JPH2: variants seen among roughly 807,000 people sequenced by gnomAD.
The protein encoded by JPH2 is junctophilin 2.
In JPH2, 38 loss-of-function variants were observed where a neutral mutation model predicts 55.9. That is an observed-to-expected ratio of 0.68 (90% confidence interval 0.52 to 0.89). The LOEUF is 0.89. Ranked by LOEUF, JPH2 falls within the 40% of genes least tolerant of loss-of-function variation. The pLI is 0.00. For missense variants in JPH2, 964 were observed against 1,037.6 expected, an observed-to-expected ratio of 0.93 and a Z score of 0.97; for synonymous variants, 480 against 472.4, an observed-to-expected ratio of 1.02 and a Z score of -0.21.
At position 44,159,495 on chromosome 20, in the gene JPH2, T is replaced by C. The variant is rs55825903; in HGVS notation, c.1169+123A>G. The C allele has an allele frequency of 0.13, 132,467 of 1,021,160 alleles. 9,219 individuals carry two copies. The highest frequency in any genetic ancestry group is 0.14 in the Non-Finnish European group (95,232 of 691,492). The allele number at this position is 1,021,160 out of a possible 1,614,324, so 63.3% of individuals were successfully genotyped here. A position where few individuals can be genotyped will look rare whatever the true frequency, so the allele number is the denominator to read the frequency against. Reference sequence around the variant, plus strand: ...TCCCGAAGAGCCTCCAATTAACCCCTGAAGGTGATGGGGGTAAAAGAAGCA... The same window carrying C: ...TCCCGAAGAGCCTCCAATTAACCCCCGAAGGTGATGGGGGTAAAAGAAGCA... On this transcript the variant is annotated intron_variant, in intron 2 of 5. Coordinates refer to ENST00000372980, the MANE Select transcript of JPH2 (RefSeq NM_020433.5). The surrounding 1 kb of genome is among the most constrained non-coding windows in gnomAD (Gnocchi z 5.7).
Position 44,134,882 on chromosome 20 carries a change from A to G in JPH2, c.1170-16259T>C, listed in dbSNP as rs77341191. 3.7e-3 allele frequency among the ~76,000 whole-genome samples: 179 copies of G among 47,890 alleles called. 1 individual carries two copies. The highest frequency in any genetic ancestry group is 6.3e-3 in the Non-Finnish European group (165 of 26,266). The allele number at this position is 47,890 out of a possible 152,430, so 31.4% of individuals were successfully genotyped here. On this transcript the variant is annotated intron_variant, in intron 2 of 5. Coordinates refer to ENST00000372980, the MANE Select transcript of JPH2 (RefSeq NM_020433.5). ...TATATATAAATATATATATTTATAT[A>G]TATATTAATATATATTTATATATAT...
At chr20:44,133,461 G>A (rs1396673023) in intron 2 of JPH2, among the ~76,000 whole-genome samples, 1 of 152,026 alleles carries the variant, frequency 6.6e-6, no homozygotes, top group Non-Finnish European at 1.5e-5. Context: ...GGCCTCCTTT[G>A]GGGGCAGCCA....
Position 44,116,145 on chromosome 20 carries a change from G to A in JPH2, c.1530C>T (p.Gly510=), listed in dbSNP as rs1288528601. ...GVSKDGLLSP[G]AWNGEPSGEG... ...CACCGCTGGGCTCGCCGTTCCAGGC[G>A]CCTGGGCTCAGCAGGCCGTCCTTGG... The change falls in exon 4 of 6, where the codon GGC becomes GGT. Residue 510 remains glycine (G), a synonymous_variant. Coordinates refer to ENST00000372980, the MANE Select transcript of JPH2 (RefSeq NM_020433.5). 3 of 1,434,204 alleles carry A rather than the reference G, an allele frequency of 2.1e-6. No individual in the cohort carries two copies. Among genetic ancestry groups the A allele is most frequent in the East Asian group, 5.6e-5 (2 of 35,792 alleles). 88.8% of individuals were successfully genotyped at this position (1,434,204 alleles called of 1,614,324 possible).
intron 2 of JPH2, among the ~76,000 whole-genome samples, chr20:44,145,333 G>C (rs538178041): frequency 2.0e-5 from 3 of 152,138 alleles, no homozygotes; most frequent in African/African-American, 7.2e-5. Flanking sequence ...GACCAGGCGC[G>C]GTGGCCCATG....
At chr20:44,130,541 G>A (rs895357861) in intron 2 of JPH2, among the ~76,000 whole-genome samples, 4 of 152,190 alleles carry the variant, frequency 2.6e-5, no homozygotes, top group South Asian at 2.1e-4. Context: ...AGGGAACCTC[G>A]GGCCTTGCTC....
At position 44,134,524 on chromosome 20, in the gene JPH2, AAATATATATAAATAAATATATATTTAT is replaced by A. The variant is rs1157160010; in HGVS notation, c.1170-15928_1170-15902del. Among the ~76,000 whole-genome samples, 5 of 1,694 alleles carry A rather than the reference AAATATATATAAATAAATATATATTTAT, an allele frequency of 3.0e-3. 1 individual carries two copies. Among genetic ancestry groups the A allele is most frequent in the South Asian group, 0.1 (2 of 20 alleles). 1.1% of individuals were successfully genotyped at this position (1,694 alleles called of 152,430 possible). On this transcript the variant is annotated intron_variant, in intron 2 of 5. Coordinates refer to ENST00000372980, the MANE Select transcript of JPH2 (RefSeq NM_020433.5). Reference sequence around the variant, plus strand: ...TATATAAATAATATATATTTATAATAAATATATATAAATAAATATATATTTATAATATATATAAATAAATATATATTT... The same window carrying A: ...TATATAAATAATATATATTTATAATAAATATATATAAATAAATATATATTT...
intron 2 of JPH2, among the ~76,000 whole-genome samples, chr20:44,154,659 G>A (rs546111459): frequency 2.0e-4 from 30 of 152,306 alleles, no homozygotes; most frequent in African/African-American, 7.2e-4. Flanking sequence ...GAAAGCCCGG[G>A]CCTGCCTGGG....
At position 44,186,615 on chromosome 20, in the gene JPH2, C is replaced by T. The variant is rs1433674454; in HGVS notation, c.91G>A (p.Gly31Ser). The part of the protein sequence containing the change: ...GKAHGHGLCT[G>S]PKGQGEYSGS... ...GAGTATTCGCCCTGGCCCTTGGGGCCTGTGCACAGTCCATGCCCATGGGCC... is the reference window on the plus strand; with the variant it reads ...GAGTATTCGCCCTGGCCCTTGGGGCTTGTGCACAGTCCATGCCCATGGGCC... Residue 31 changes from glycine (G) to serine (S), a missense_variant, in exon 1 of 6, where the codon GGC (glycine) becomes AGC (serine). Gly to Ser is a moderately conservative substitution (Grantham distance 56). Coordinates refer to ENST00000372980, the MANE Select transcript of JPH2 (RefSeq NM_020433.5). The T allele has an allele frequency of 3.7e-6, 6 of 1,613,046 alleles. No homozygotes were observed. The highest frequency in any genetic ancestry group is 5.1e-6 in the Non-Finnish European group (6 of 1,180,008).
In JPH2 at chr20:44,113,476, C is replaced by G. The variant is rs963209103; in HGVS notation, c.*42G>C. On this transcript the variant is annotated 3_prime_UTR_variant, in exon 6 of 6. Transcript: ENST00000372980. ...GCCTGGCACTGCAAAAAGACGGGTC[C>G]TCATGTCCTCAGCAGGAACTTCTGG... The G allele has an allele frequency of 1.3e-5, 2 of 152,254 alleles. No homozygotes were observed. The highest frequency in any genetic ancestry group is 4.8e-5 in the African/African-American group (2 of 41,418). The allele number at this position is 152,254 out of a possible 1,614,324, so 9.4% of individuals were successfully genotyped here.
Position 44,153,198 on chromosome 20 carries a change from G to A in JPH2, c.1169+6420C>T, listed in dbSNP as rs184424581. ...CTTGGGTTAGTACAGAATGACACAG[G>A]ATTGATAATAACAGCTTACACCTCC... On this transcript the variant is annotated intron_variant, in intron 2 of 5. Coordinates refer to ENST00000372980, the MANE Select transcript of JPH2 (RefSeq NM_020433.5). Among the ~76,000 whole-genome samples the A allele has an allele frequency of 1.7e-3, 259 of 152,278 alleles. 6 individuals are homozygous for A. The East Asian group carries it at 0.027, about 16-fold the overall frequency.
intron 2 of JPH2, among the ~76,000 whole-genome samples, chr20:44,121,399 A>G (rs1340371425): frequency 1.3e-5 from 2 of 152,152 alleles, no homozygotes; most frequent in Non-Finnish European, 2.9e-5. Flanking sequence ...GCGCACGGTA[A>G]GGGGGATAAA....
At position 44,108,384 on chromosome 20, in the gene JPH2, G is replaced by A. The variant is rs751409379; in HGVS notation, c.*5134C>T. The stretch of plus-strand genomic sequence containing the variant: ...GTCTTTCTAGTGAATTATTGAGTAT[G>A]AGGATAATCATAGGAACCCCCTTGT... On this transcript the variant is annotated 3_prime_UTR_variant, in exon 6 of 6. Coordinates refer to ENST00000372980, the MANE Select transcript of JPH2 (RefSeq NM_020433.5). Among the ~76,000 whole-genome samples, 7 of 152,056 alleles carry A rather than the reference G, an allele frequency of 4.6e-5. No homozygotes were observed. The highest frequency in any genetic ancestry group is 7.2e-5 in the African/African-American group (3 of 41,396).
chr20:44,172,836 G>A (rs2072708376), intron 1 of JPH2, among the ~76,000 whole-genome samples: 1 of 152,040 alleles, frequency 6.6e-6, no homozygotes, highest in Non-Finnish European at 1.5e-5. Flanking sequence ...TTGCAAATGT[G>A]CCACACAGCC....
chr20:44,144,638 A>G (rs900639132), intron 2 of JPH2, among the ~76,000 whole-genome samples: 1 of 152,150 alleles, frequency 6.6e-6, no homozygotes, highest in Non-Finnish European at 1.5e-5. Flanking sequence ...GGAGCAGCTG[A>G]GAGACTTTCC....
In JPH2 at chr20:44,113,284, C is replaced by T. The variant is rs1051517381; in HGVS notation, c.*234G>A. The T allele has an allele frequency of 6.6e-6, 1 of 152,242 alleles. No individual in the cohort carries two copies. Among genetic ancestry groups the T allele is most frequent in the Non-Finnish European group, 1.5e-5 (1 of 68,128 alleles). The allele number at this position is 152,242 out of a possible 1,614,324, so 9.4% of individuals were successfully genotyped here. ...GCGCTTCTCTCTGGGCTCTCCTTGC[C>T]CCTGGGTAGAGAGCTCCTGAAGGAG... On this transcript the variant is annotated 3_prime_UTR_variant, in exon 6 of 6. Transcript: ENST00000372980.
chr20:44,167,519 G>A (rs1223379021), intron 1 of JPH2, among the ~76,000 whole-genome samples: 1 of 152,164 alleles, frequency 6.6e-6, no homozygotes, highest in Non-Finnish European at 1.5e-5. Flanking sequence ...AGATTCAGCA[G>A]TTCAAGCCCT....
rs926337524 is a variant in JPH2 at position 44,116,123 on chromosome 20, C to T, written c.1552G>A (p.Gly518Ser). The T allele has an allele frequency of 1.2e-5, 18 of 1,454,412 alleles. No individual in the cohort carries two copies. The African/African-American group carries it at 2.5e-4, about 20-fold the overall frequency. 90.1% of individuals were successfully genotyped at this position (1,454,412 alleles called of 1,614,324 possible). Residue 518 changes from glycine to serine, a missense_variant, in exon 4 of 6, where the codon GGT becomes AGT. Gly to Ser is a moderately conservative substitution (Grantham distance 56). Transcript: ENST00000372980. ...SPGAWNGEPS[G>S]EGSRSVTPSE... ...GGAGTGACTGACCGGCTGCCCTCAC[C>T]GCTGGGCTCGCCGTTCCAGGCGCCT...
rs1284392917 is a variant in JPH2 at position 44,108,169 on chromosome 20, T to C, written c.*5349A>G. Among the ~76,000 whole-genome samples the C allele has an allele frequency of 6.6e-6, 1 of 152,212 alleles. No homozygotes were observed. Among genetic ancestry groups the C allele is most frequent in the Non-Finnish European group, 1.5e-5 (1 of 68,036 alleles). ...CTGAAGCACTGGTTAGCTTCCCTGG[T>C]TGGCCATACTTTGTCATACTGTTAC... On this transcript the variant is annotated 3_prime_UTR_variant, in exon 6 of 6. Transcript: ENST00000372980.
intron 1 of JPH2, among the ~76,000 whole-genome samples, chr20:44,173,667 G>T (rs2072713647): frequency 6.6e-6 from 1 of 152,168 alleles, no homozygotes; most frequent in Admixed American, 6.5e-5. Flanking sequence ...TGTAATCCTA[G>T]CACTTTGGGA....
Sources: gnomAD v4.1 joint callset for allele counts (sites outside exome capture counted in the v4.1 genomes callset) on GRCh38, gnomAD v4.1.1 for gene constraint, Gnocchi (gnomAD v3.1) non-coding constraint, MANE v1.5 for transcripts, NCBI Gene and HGNC (gene_info 2026-07-23, HGNC 2026-07-21) for gene names.